Variants in ADGRL3 observed in about 807,000 individuals in gnomAD.
The protein encoded by ADGRL3 is calcium-independent alpha-latrotoxin receptor 3.
Under a neutral mutation model 153.5 loss-of-function variants are expected in ADGRL3, and 62 were observed. The observed-to-expected ratio is 0.40, with a 90% CI of 0.33 to 0.50. The LOEUF (loss-of-function observed/expected upper bound fraction) is 0.50, where lower values mean the gene tolerates loss of function less well. ADGRL3 is among the 20% of genes least tolerant of loss of function. The pLI, the probability that ADGRL3 is intolerant of heterozygous loss-of-function variation, is 0.47. For missense variants in ADGRL3, 1,641 were observed against 1,859.4 expected, an observed-to-expected ratio of 0.88 and a Z score of 2.16; for synonymous variants, 710 against 672.5, an observed-to-expected ratio of 1.06 and a Z score of -0.86.
intron 1 of ADGRL3, among the ~76,000 whole-genome samples, chr4:61,330,463 G>C (rs1419085928): frequency 3.3e-5 from 5 of 152,216 alleles, no homozygotes; most frequent in Admixed American, 3.3e-4. Flanking sequence ...TTAGGCCTTT[G>C]GGTTTAGACT....
chr4:61,854,547 A>G (rs1019037544), intron 9 of ADGRL3, among the ~76,000 whole-genome samples: 12 of 152,320 alleles, frequency 7.9e-5, no homozygotes, highest in African/African-American at 2.9e-4. Context: ...GTTCCTACTG[A>G]TAAAAATAAA....
intron 2 of ADGRL3, among the ~76,000 whole-genome samples, chr4:61,442,095 C>T (rs1327184512): frequency 6.6e-6 from 1 of 152,150 alleles, no homozygotes; most frequent in Non-Finnish European, 1.5e-5. Flanking sequence ...GTAAGACCCC[C>T]ACCCAGTGCT....
Position 61,295,830 on chromosome 4 carries a change from A to T in ADGRL3, c.-239-87294A>T, listed in dbSNP as rs2094392956. On this transcript the variant is annotated intron_variant, in intron 1 of 26. Transcript: ENST00000683033. ...AAAAAAAAAAAAAAGAAAAAAGTCC[A>T]AGGGTGGTGGCATGTGCCTATTGTC... Among the ~76,000 whole-genome samples, 3 of 151,542 alleles carry T rather than the reference A, an allele frequency of 2.0e-5. No individual in the cohort carries two copies. In the South Asian group the frequency reaches 6.3e-4, roughly 32 times the overall value.
chr4:61,617,792 G>A (rs2092162198), intron 5 of ADGRL3, among the ~76,000 whole-genome samples: 1 of 152,104 alleles, frequency 6.6e-6, no homozygotes, highest in Non-Finnish European at 1.5e-5. Flanking sequence ...TCTTCCCTAA[G>A]CAAAATCCTC....
At chr4:61,978,605 C>T (rs2099056276) in intron 17 of ADGRL3, among the ~76,000 whole-genome samples, 1 of 152,102 alleles carries the variant, frequency 6.6e-6, no homozygotes, top group South Asian at 2.1e-4. Context: ...TCTAAAGATT[C>T]ACAGAAGTTT....
intron 6 of ADGRL3, among the ~76,000 whole-genome samples, chr4:61,693,195 A>G (rs2095573056): frequency 6.6e-6 from 1 of 152,074 alleles, no homozygotes; most frequent in Non-Finnish European, 1.5e-5. Flanking sequence ...AGAAAGTATA[A>G]CCTTTTGTTT....
rs1279513479 is a variant in ADGRL3, at chr4:61,456,018, G to A, written c.-173-41103G>A. Among the ~76,000 whole-genome samples, 3 of 151,902 alleles carry A rather than the reference G, an allele frequency of 2.0e-5. No homozygotes were observed. In the South Asian group the frequency reaches 6.2e-4, roughly 32 times the overall value. On this transcript the variant is annotated intron_variant, in intron 2 of 26. Transcript: ENST00000683033. Reference sequence around the variant, plus strand: ...TTTAGTTGAAAGGGGGTTTCTCCACGTTGGCCAGGCTGGTCTCGAACTCCT... The same window carrying A: ...TTTAGTTGAAAGGGGGTTTCTCCACATTGGCCAGGCTGGTCTCGAACTCCT...
chr4:62,006,914 A>G lies in ADGRL3; in HGVS notation c.3395+8649A>G, dbSNP rs1448858600. Among the ~76,000 whole-genome samples the G allele has an allele frequency of 3.9e-5, 6 of 152,182 alleles. No individual in the cohort carries two copies. In the East Asian group the frequency reaches 5.8e-4, roughly 15 times the overall value. On this transcript the variant is annotated intron_variant, in intron 21 of 26. Transcript: ENST00000683033. ...GCTGACCACTATGGTGTCCTAAATC[A>G]TAGTGGCACTGGTGATACATGAAAC...
chr4:61,856,398 A>C (rs950517136), intron 9 of ADGRL3, among the ~76,000 whole-genome samples: 5 of 125,974 alleles, frequency 4.0e-5, no homozygotes, highest in Non-Finnish European at 8.0e-5. Flanking sequence ...CCTTTCTTGG[A>C]ACTTGGAACT....
intron 1 of ADGRL3, among the ~76,000 whole-genome samples, chr4:61,290,906 C>CTA (rs1353576265): frequency 1.3e-5 from 2 of 151,716 alleles, no homozygotes; most frequent in Non-Finnish European, 2.9e-5. Context: ...ATGCAATATA[C>CTA]TATAAATGCA....
intron 2 of ADGRL3, among the ~76,000 whole-genome samples, chr4:61,473,060 A>AT (rs2097985232): frequency 6.6e-6 from 1 of 152,214 alleles, no homozygotes; most frequent in South Asian, 2.1e-4. Context: ...CCACTGGGGA[A>AT]TTTTTTCAGA....
intron 25 of ADGRL3, among the ~76,000 whole-genome samples, chr4:62,048,052 T>C (rs1313094587): frequency 6.6e-6 from 1 of 152,202 alleles, no homozygotes; most frequent in East Asian, 1.9e-4. Context: ...TGCTGATACC[T>C]TGAAGGTGTA....
intron 19 of ADGRL3, among the ~76,000 whole-genome samples, chr4:61,993,727 C>G (rs1310673489): frequency 6.6e-6 from 1 of 152,022 alleles, no homozygotes; most frequent in Non-Finnish European, 1.5e-5. Flanking sequence ...CTCTTTTTCA[C>G]TCTCTCTCAT....
At chr4:61,574,053 A>G (rs1302910863) in intron 4 of ADGRL3, among the ~76,000 whole-genome samples, 3 of 151,978 alleles carry the variant, frequency 2.0e-5, no homozygotes, top group African/African-American at 7.2e-5. Flanking sequence ...TTTCATTCTC[A>G]AACCAAAAGG....
At position 61,917,835 on chromosome 4, in the gene ADGRL3, T is replaced by G. The variant is rs2149928357; in HGVS notation, c.2112+5078T>G. 1.3e-5 allele frequency among the ~76,000 whole-genome samples: 2 copies of G among 152,242 alleles called. 1 individual carries two copies. Among genetic ancestry groups the G allele is most frequent in the Middle Eastern group, 6.8e-3 (2 of 294 alleles). The stretch of plus-strand genomic sequence containing the variant: ...GTTCCTGAAATGGAAATATTCCTGT[T>G]GGTGATGAAGGAGGCTAGTGCAACA... On this transcript the variant is annotated intron_variant, in intron 13 of 26. Coordinates refer to ENST00000683033, the MANE Select transcript of ADGRL3 (RefSeq NM_001387552.1).
intron 1 of ADGRL3, among the ~76,000 whole-genome samples, chr4:61,302,338 C>T (rs2094605429): frequency 6.6e-6 from 1 of 151,868 alleles, no homozygotes; most frequent in African/African-American, 2.4e-5. Context: ...TTCACAGAGA[C>T]CAAAGAAGGT....
chr4:61,466,408 A>T (rs1254297951), intron 2 of ADGRL3, among the ~76,000 whole-genome samples: 6 of 152,194 alleles, frequency 3.9e-5, no homozygotes, highest in African/African-American at 1.4e-4. Context: ...ATTAGTATTT[A>T]ATATAGGTAC....
chr4:61,801,235 G>A (rs375823344), intron 8 of ADGRL3, among the ~76,000 whole-genome samples: 1 of 152,132 alleles, frequency 6.6e-6, no homozygotes, highest in African/African-American at 2.4e-5. Context: ...TCATGAAGGT[G>A]GAAGCAATGG....
chr4:61,927,922 G>A (rs1484078339), intron 13 of ADGRL3, among the ~76,000 whole-genome samples: 2 of 151,728 alleles, frequency 1.3e-5, no homozygotes, highest in East Asian at 1.9e-4. Flanking sequence ...TATCTACAGT[G>A]TATACATTCA....
Sources: gnomAD v4.1 joint callset for allele counts (sites outside exome capture counted in the v4.1 genomes callset) on GRCh38, gnomAD v4.1.1 for gene constraint, MANE v1.5 for transcripts, NCBI Gene and HGNC (gene_info 2026-07-23, HGNC 2026-07-21) for gene names.